The following MOCS1 variants were observed in gnomAD, a reference collection of about 807,000 sequenced individuals.
MOCS1 encodes the protein molybdenum cofactor biosynthesis protein 1.
Under a neutral mutation model 57.6 loss-of-function variants are expected in MOCS1, and 39 were observed. That is an observed-to-expected ratio of 0.68 (90% CI 0.52 to 0.88). The LOEUF (loss-of-function observed/expected upper bound fraction) is 0.88, where lower values mean the gene tolerates loss of function less well. Among genes scored for constraint, MOCS1 ranks in the 40% least tolerant of loss-of-function variants. The pLI, the probability that MOCS1 is intolerant of heterozygous loss-of-function variation, is 0.00. For synonymous variants in MOCS1, 334 were observed against 335.7 expected, an observed-to-expected ratio of 1.00 and a Z score of 0.05; for missense variants, 795 against 831.1, an observed-to-expected ratio of 0.96 and a Z score of 0.53.
chr6:39,929,125 TA>T (rs1768503509), intron 1 of MOCS1, among the ~76,000 whole-genome samples: 1 of 152,100 alleles, frequency 6.6e-6, no homozygotes, highest in Non-Finnish European at 1.5e-5. Flanking sequence ...TCTGGGCCCA[TA>T]AAACATTCCT....
chr6:39,915,932 G>T, intron 4 of MOCS1, 136 bp downstream of exon 4: 1 of 1,062,284 alleles, frequency 9.4e-7, no homozygotes, highest in South Asian at 1.4e-5. Context: ...TGAGGGGTGA[G>T]AAATAAGTGC....
At position 39,922,231 on chromosome 6, in the gene MOCS1, C is replaced by T. The variant is rs149278006; in HGVS notation, c.418+3447G>A. On this transcript the variant is annotated intron_variant, in intron 3 of 10. Coordinates refer to ENST00000340692, the MANE Select transcript of MOCS1 (RefSeq NM_001358530.2). ...TCGGTTACATTAGCCACATGTCAGG[C>T]CCTCAAGAGCTATGAGTGGCTACTG... 4.6e-5 allele frequency among the ~76,000 whole-genome samples: 7 copies of T among 152,260 alleles called. No homozygotes were observed. The East Asian group carries it at 1.4e-3, about 29-fold the overall frequency.
chr6:39,923,976 G>T (rs892720405), intron 3 of MOCS1, among the ~76,000 whole-genome samples: 3 of 152,200 alleles, frequency 2.0e-5, no homozygotes, highest in Non-Finnish European at 2.9e-5. Flanking sequence ...GCTGAGGGGC[G>T]GGGGGTCCTG....
Position 39,913,568 on chromosome 6 carries a change from C to T in MOCS1, c.646-140G>A, listed in dbSNP as rs1326609792. ...TTCTCCCACTCAGTTCTCTAAGTTA[C>T]GGGATTCCTTGGGGTCACTGATTTT... On this transcript the variant is annotated intron_variant, in intron 5 of 10. Coordinates refer to ENST00000340692, the MANE Select transcript of MOCS1 (RefSeq NM_001358530.2). 3.1e-5 allele frequency: 30 copies of T among 960,688 alleles called. No individual in the cohort carries two copies. In the Admixed American group the frequency reaches 3.5e-4, roughly 11 times the overall value. The allele number at this position is 960,688 out of a possible 1,614,324, so 59.5% of individuals were successfully genotyped here. A position where few individuals can be genotyped will look rare whatever the true frequency, so the allele number is the denominator to read the frequency against.
Position 39,913,065 on chromosome 6 carries a change from G to A in MOCS1, c.758-61C>T, listed in dbSNP as rs966468222. ...TGAATCACAGTTGAAGGGGCCCCGG[G>A]GTCTTTGAGTCCATCCCCTGCCACA... is the stretch of plus-strand genomic sequence containing the variant. On this transcript the variant is annotated intron_variant, in intron 6 of 10. Transcript: ENST00000340692. The A allele has an allele frequency of 8.1e-6, 11 of 1,356,832 alleles. No individual in the cohort carries two copies. In the African/African-American group the frequency reaches 1.3e-4, roughly 16 times the overall value. The allele number at this position is 1,356,832 out of a possible 1,614,324, so 84.0% of individuals were successfully genotyped here.
At chr6:39,911,371 C>A (rs191644553) in intron 8 of MOCS1, among the ~76,000 whole-genome samples, 186 of 152,310 alleles carry the variant, frequency 1.2e-3, no homozygotes, top group Admixed American at 2.2e-3. Context: ...ATGCCTTCCT[C>A]CTCTCCTTCC....
At chr6:39,928,761 A>G (rs1768481329) in intron 1 of MOCS1, among the ~76,000 whole-genome samples, 1 of 152,204 alleles carries the variant, frequency 6.6e-6, no homozygotes, top group Non-Finnish European at 1.5e-5. Context: ...TGCTAGGAGT[A>G]AAGACAGGGG....
intron 7 of MOCS1, among the ~76,000 whole-genome samples, 156 bp from the exon 8 acceptor site, chr6:39,912,530 T>C (rs1179704934): frequency 6.6e-6 from 1 of 152,154 alleles, no homozygotes; most frequent in African/African-American, 2.4e-5. Context: ...TAGAAGACTC[T>C]GGTAGGATGG....
chr6:39,924,694 C>T (rs1014515193), intron 3 of MOCS1, among the ~76,000 whole-genome samples: 1 of 152,220 alleles, frequency 6.6e-6, no homozygotes, highest in African/African-American at 2.4e-5. Context: ...TCCAATAAAA[C>T]TCCATTAATA....
chr6:39,906,220 A>T lies in MOCS1; in HGVS notation c.*137T>A. ...AGCAGCAGGCCTGTTTGTTAGTAGTAGAGCAGGCTGACTTCGGGTTTACTG... is the reference window on the plus strand; with the variant it reads ...AGCAGCAGGCCTGTTTGTTAGTAGTTGAGCAGGCTGACTTCGGGTTTACTG... On this transcript the variant is annotated 3_prime_UTR_variant, in exon 11 of 11. Coordinates refer to ENST00000340692, the MANE Select transcript of MOCS1 (RefSeq NM_001358530.2). 9.5e-7 allele frequency: 1 copy of T among 1,055,120 alleles called. No homozygotes were observed. Among genetic ancestry groups the T allele is most frequent in the Non-Finnish European group, 1.5e-6 (1 of 682,880 alleles). The allele number at this position is 1,055,120 out of a possible 1,614,324, so 65.4% of individuals were successfully genotyped here. A position where few individuals can be genotyped will look rare whatever the true frequency, so the allele number is the denominator to read the frequency against.
rs1669415916 is a variant in MOCS1, at chr6:39,905,648, G to GGTGTGGGCT, written c.*700_*708dup. The GGTGTGGGCT allele has an allele frequency of 4.2e-6, 2 of 471,210 alleles. No homozygotes were observed. The highest frequency in any genetic ancestry group is 4.4e-6 in the Non-Finnish European group (1 of 227,066). 29.2% of individuals were successfully genotyped at this position (471,210 alleles called of 1,614,324 possible). A position where few individuals can be genotyped will look rare whatever the true frequency, so the allele number is the denominator to read the frequency against. On this transcript the variant is annotated 3_prime_UTR_variant, in exon 11 of 11. Coordinates refer to ENST00000340692, the MANE Select transcript of MOCS1 (RefSeq NM_001358530.2). ...GGTGGAACAGCCGTGAACAGGGCCA[G>GGTGTGGGCT]GTGTGGGCTGTGTGGTCTGGCAGGA...
chr6:39,927,220 T>C, intron 2 of MOCS1, 109 bp downstream of exon 2: 1 of 1,417,848 alleles, frequency 7.1e-7, no homozygotes, highest in Non-Finnish European at 9.8e-7. Flanking sequence ...GTGAAGAAGT[T>C]AGAAAGCAGA....
At chr6:39,913,167 C>G in intron 6 of MOCS1, 150 bp downstream of exon 6, 1 of 877,002 alleles carries the variant, frequency 1.1e-6, no homozygotes, top group African/African-American at 1.6e-5. Context: ...TGAATCACAT[C>G]CACAGCGGGC....
Position 39,905,813 on chromosome 6 carries a change from A to G in MOCS1, c.*544T>C. The G allele has an allele frequency of 2.1e-6, 1 of 470,338 alleles. No individual in the cohort carries two copies. Among genetic ancestry groups the G allele is most frequent in the Non-Finnish European group, 4.4e-6 (1 of 227,076 alleles). 29.1% of individuals were successfully genotyped at this position (470,338 alleles called of 1,614,324 possible). On this transcript the variant is annotated 3_prime_UTR_variant, in exon 11 of 11. Transcript: ENST00000340692. ...GACACAGACTTGGGCAGAAGGAGAG[A>G]TGAAGTCAGGACAGGACAGGACAGG... is the stretch of plus-strand genomic sequence containing the variant.
At position 39,906,552 on chromosome 6, in the gene MOCS1, G is replaced by A. The variant is rs992554039; in HGVS notation, c.1716C>T (p.Arg572=). ...IQVQLELDST[R]HAVKIQASCR... ...AAGATGCCTGGATCTTCACGGCATGGCGTGTGCTGTCCAGCTCCAGCTGCA... is the reference window on the plus strand; with the variant it reads ...AAGATGCCTGGATCTTCACGGCATGACGTGTGCTGTCCAGCTCCAGCTGCA... Residue 572 remains arginine, a synonymous_variant, in exon 11 of 11, where the codon CGC becomes CGT. Transcript: ENST00000340692. The A allele has an allele frequency of 6.2e-7, 1 of 1,613,808 alleles. No homozygotes were observed. The highest frequency in any genetic ancestry group is 1.3e-5 in the African/African-American group (1 of 75,084).
rs1063171 is a variant in MOCS1, at chr6:39,905,623, G to C, written c.*734C>G. Reference sequence around the variant, plus strand: ...ATATGCTCCAGAATAAAGAGGGGTGGGTGGAACAGCCGTGAACAGGGCCAG... The same window carrying C: ...ATATGCTCCAGAATAAAGAGGGGTGCGTGGAACAGCCGTGAACAGGGCCAG... On this transcript the variant is annotated 3_prime_UTR_variant, in exon 11 of 11. Coordinates refer to ENST00000340692, the MANE Select transcript of MOCS1 (RefSeq NM_001358530.2). 0.029 allele frequency: 13,735 copies of C among 471,182 alleles called. 284 individuals are homozygous for C. Among genetic ancestry groups the C allele is most frequent in the Middle Eastern group, 0.075 (231 of 3,072 alleles). The allele number at this position is 471,182 out of a possible 1,614,324, so 29.2% of individuals were successfully genotyped here. A position where few individuals can be genotyped will look rare whatever the true frequency, so the allele number is the denominator to read the frequency against.
chr6:39,920,749 C>A (rs540290330), intron 3 of MOCS1, among the ~76,000 whole-genome samples: 8 of 152,132 alleles, frequency 5.3e-5, no homozygotes, highest in African/African-American at 1.7e-4. Context: ...GAGGCCAGGG[C>A]AGGAGGATCA....
chr6:39,931,597 T>C (rs1334465870), intron 1 of MOCS1, among the ~76,000 whole-genome samples: 1 of 152,068 alleles, frequency 6.6e-6, no homozygotes, highest in East Asian at 1.9e-4. Flanking sequence ...AAACATGGAT[T>C]TTGAGGAGCT....
intron 3 of MOCS1, among the ~76,000 whole-genome samples, chr6:39,919,058 G>T (rs1303708840): frequency 6.6e-6 from 1 of 152,194 alleles, no homozygotes; most frequent in Non-Finnish European, 1.5e-5. Flanking sequence ...TATGGGCAAA[G>T]AATGCGAGTA....
Sources: allele counts gnomAD v4.1 joint callset (sites outside exome capture counted in the v4.1 genomes callset), GRCh38; gene constraint gnomAD v4.1.1; transcripts MANE v1.5; gene names NCBI Gene and HGNC (gene_info 2026-07-23, HGNC 2026-07-21).